The following GMDS variants were observed in gnomAD, a reference collection of about 807,000 sequenced individuals.
GMDS encodes GDP-mannose 4,6-dehydratase.
GMDS carries 20 observed loss-of-function variants against 49.9 expected under a neutral mutation model. The observed-to-expected ratio is 0.40, with a 90% CI of 0.28 to 0.58. The LOEUF (loss-of-function observed/expected upper bound fraction) is 0.58, where lower values mean the gene tolerates loss of function less well. Ranked by LOEUF, GMDS falls within the 20% of genes least tolerant of loss-of-function variation. The probability of loss-of-function intolerance (pLI) is 0.42; values close to 1 mark genes in which losing one functional copy is unlikely to be tolerated. For synonymous variants in GMDS, 177 were observed against 178.6 expected (o/e 0.99, Z 0.07); for missense variants, 362 against 481.4 (o/e 0.75, Z 2.32).
chr6:2,129,048 A>C (rs1197943624), intron 1 of GMDS, among the ~76,000 whole-genome samples: 1 of 152,074 alleles, frequency 6.6e-6, no homozygotes, highest in East Asian at 1.9e-4. Flanking sequence ...GAGGGGATGG[A>C]CCCTCACTTT....
chr6:1,939,670 C>T (rs1268374198), intron 6 of GMDS, among the ~76,000 whole-genome samples: 4 of 151,946 alleles, frequency 2.6e-5, no homozygotes, highest in African/African-American at 7.2e-5. Context: ...AACATAACAT[C>T]TCTATCTTCT....
chr6:1,804,127 T>C (rs980690460), intron 7 of GMDS, among the ~76,000 whole-genome samples: 1 of 152,224 alleles, frequency 6.6e-6, no homozygotes, highest in Non-Finnish European at 1.5e-5. Context: ...TAATTTGTCG[T>C]TGTTTTTGTT....
At chr6:1,828,118 G>A (rs550273574) in intron 7 of GMDS, among the ~76,000 whole-genome samples, 1 of 151,982 alleles carries the variant, frequency 6.6e-6, no homozygotes, top group Non-Finnish European at 1.5e-5. Flanking sequence ...GAAACCAAAA[G>A]AAATTCTGGA....
intron 7 of GMDS, among the ~76,000 whole-genome samples, chr6:1,797,510 C>T (rs752183654): frequency 6.6e-6 from 1 of 152,158 alleles, no homozygotes; most frequent in Non-Finnish European, 1.5e-5. Flanking sequence ...ATGAAAAGCA[C>T]AGTGGCAAGT....
chr6:1,938,081 C>T (rs1331004319), intron 6 of GMDS, among the ~76,000 whole-genome samples: 2 of 152,118 alleles, frequency 1.3e-5, no homozygotes, highest in Non-Finnish European at 2.9e-5. Context: ...CTCACTTAAA[C>T]ATCATTTTAA....
At chr6:2,140,566 C>T (rs1238386431) in intron 1 of GMDS, among the ~76,000 whole-genome samples, 1 of 152,158 alleles carries the variant, frequency 6.6e-6, no homozygotes, top group Non-Finnish European at 1.5e-5. Context: ...AGCAAGCAGT[C>T]GTTCCCAGTC....
At chr6:1,886,558 G>C (rs1759617553) in intron 7 of GMDS, among the ~76,000 whole-genome samples, 1 of 152,138 alleles carries the variant, frequency 6.6e-6, no homozygotes, top group South Asian at 2.1e-4. Context: ...GACTGTAAGT[G>C]TATCTTACTG....
At position 2,208,925 on chromosome 6, in the gene GMDS, A is replaced by G. The variant is rs141798489; in HGVS notation, c.102+36396T>C. 5.4e-3 allele frequency among the ~76,000 whole-genome samples: 819 copies of G among 151,996 alleles called. 2 individuals carry two copies. The highest frequency in any genetic ancestry group is 0.02 in the Middle Eastern group (6 of 294). ...AGCACAGGTAACAACTACGTGTCTGACCCAAGCTGTCCTGTCCAAGCATAA... is the reference window on the plus strand; with the variant it reads ...AGCACAGGTAACAACTACGTGTCTGGCCCAAGCTGTCCTGTCCAAGCATAA... On this transcript the variant is annotated intron_variant, in intron 1 of 10. Transcript: ENST00000380815.
intron 6 of GMDS, among the ~76,000 whole-genome samples, chr6:1,937,526 AG>A (rs1399600842): frequency 6.6e-6 from 1 of 152,222 alleles, no homozygotes; most frequent in Non-Finnish European, 1.5e-5. Context: ...AATATCCAAC[AG>A]GGCCATGCTC....
At chr6:1,900,036 A>C (rs1157856788) in intron 7 of GMDS, among the ~76,000 whole-genome samples, 1 of 152,254 alleles carries the variant, frequency 6.6e-6, no homozygotes, top group Non-Finnish European at 1.5e-5. Context: ...AAAAGTCCAC[A>C]CATCTGCCTA....
At chr6:1,794,535 G>A (rs1201781693) in intron 7 of GMDS, among the ~76,000 whole-genome samples, 1 of 152,198 alleles carries the variant, frequency 6.6e-6, no homozygotes, top group Non-Finnish European at 1.5e-5. Context: ...CTGAGAAGCT[G>A]CAGAAAATGT....
chr6:1,784,390 C>CAAAAAA (rs780517217), intron 7 of GMDS, among the ~76,000 whole-genome samples: 11 of 40,474 alleles, frequency 2.7e-4, no homozygotes, highest in African/African-American at 1.0e-3. Context: ...AGACTCGTCT[C>CAAAAAA]AAAAAAAAAA....
At chr6:2,173,039 A>G (rs950239322) in intron 1 of GMDS, among the ~76,000 whole-genome samples, 16 of 152,238 alleles carry the variant, frequency 1.1e-4, no homozygotes, top group Non-Finnish European at 1.8e-4. Flanking sequence ...TTTCCAAAGA[A>G]ATAAAATTAC....
At chr6:1,725,595 G>A (rs1027840749) in intron 9 of GMDS, among the ~76,000 whole-genome samples, 5 of 152,178 alleles carry the variant, frequency 3.3e-5, no homozygotes, top group Admixed American at 6.5e-5. Flanking sequence ...TACCACACCC[G>A]GCTAATTTTG....
chr6:1,714,027 A>AC (rs1423883408), intron 9 of GMDS, among the ~76,000 whole-genome samples: 1 of 152,112 alleles, frequency 6.6e-6, no homozygotes, highest in Non-Finnish European at 1.5e-5. Context: ...ACTTTTTCAG[A>AC]CTTTTTTTGA....
At chr6:1,857,780 T>G (rs1475956394) in intron 7 of GMDS, among the ~76,000 whole-genome samples, 2 of 152,206 alleles carry the variant, frequency 1.3e-5, no homozygotes, top group Admixed American at 1.3e-4. Context: ...TTAATAAAAA[T>G]CATATATATG....
chr6:2,173,811 G>A (rs1778139695), intron 1 of GMDS, among the ~76,000 whole-genome samples: 1 of 152,168 alleles, frequency 6.6e-6, no homozygotes, highest in South Asian at 2.1e-4. Context: ...CACCCACTGA[G>A]TCTTACGCTA....
At chr6:2,095,272 T>C (rs760040178) in intron 4 of GMDS, among the ~76,000 whole-genome samples, 2 of 152,160 alleles carry the variant, frequency 1.3e-5, no homozygotes, top group African/African-American at 2.4e-5. Flanking sequence ...CATCTTAAGC[T>C]TAATGACACT....
intron 6 of GMDS, among the ~76,000 whole-genome samples, chr6:1,943,198 T>C (rs1340811012): frequency 6.6e-6 from 1 of 152,224 alleles, no homozygotes; most frequent in Non-Finnish European, 1.5e-5. Flanking sequence ...TCTCCTTCTC[T>C]GGACGGCCCC....
Sources: gnomAD v4.1 joint callset for allele counts (sites outside exome capture counted in the v4.1 genomes callset) on GRCh38, gnomAD v4.1.1 for gene constraint, MANE v1.5 for transcripts, NCBI Gene and HGNC (gene_info 2026-07-23, HGNC 2026-07-21) for gene names.